Variants in ANO1 observed in about 807,000 individuals in gnomAD.
The protein encoded by ANO1 is anoctamin-1.
ANO1 carries 59 observed loss-of-function variants against 124.0 expected under a neutral mutation model. The observed-to-expected ratio is 0.48, with a 90% CI of 0.39 to 0.59. The LOEUF is 0.59. Ranked by LOEUF, ANO1 falls within the 20% of genes least tolerant of loss-of-function variation. The pLI is 0.00. For synonymous variants in ANO1, 529 were observed against 532.0 expected, an observed-to-expected ratio of 0.99 and a Z score of 0.08; for missense variants, 1,059 against 1,328.0, an observed-to-expected ratio of 0.80 and a Z score of 3.15.
chr11:70,001,959 C>A (rs1451846312), intron 1 of ANO1, among the ~76,000 whole-genome samples: 1 of 151,984 alleles, frequency 6.6e-6, no homozygotes, highest in Non-Finnish European at 1.5e-5. Context: ...ACCACCACAC[C>A]ATTTTGGAAG....
At chr11:70,004,138 G>T (rs1856439143) in intron 1 of ANO1, among the ~76,000 whole-genome samples, 1 of 152,164 alleles carries the variant, frequency 6.6e-6, no homozygotes, top group South Asian at 2.1e-4. Context: ...CTCACACAGT[G>T]GTCTCACCAC....
Position 70,167,257 on chromosome 11 carries a change from C to T in ANO1, c.2067C>T (p.Leu689=). The stretch of plus-strand genomic sequence containing the variant: ...CATCTCTCAGGAAGATGAAGAAGCT[C>T]ATCCGCTACCTGAAGCTGAAGCAGC... ...FEIGIPKMKK[L]IRYLKLKQQS... Residue 689 remains leucine, a synonymous_variant, in exon 21 of 26, where the codon CTC becomes CTT. Coordinates refer to ENST00000355303, the MANE Select transcript of ANO1 (RefSeq NM_018043.7). The T allele has an allele frequency of 6.2e-7, 1 of 1,614,006 alleles. No individual in the cohort carries two copies. The highest frequency in any genetic ancestry group is 2.2e-5 in the East Asian group (1 of 44,888).
upstream of ANO1, among the ~76,000 whole-genome samples, chr11:70,077,314 G>C (rs1319706442): frequency 6.6e-6 from 1 of 152,212 alleles, no homozygotes; most frequent in Non-Finnish European, 1.5e-5. Flanking sequence ...TGGGTGGGAA[G>C]GGGACAGTAG....
rs1320445422 is a variant in ANO1 at position 70,078,449 on chromosome 11, G to A, written c.-158G>A. On this transcript the variant is annotated 5_prime_UTR_variant, in exon 1 of 26. Transcript: ENST00000355303. ...GCCGGGCGGGCCAGGGCGGCGGGCG[G>A]AGCGGGAGGCGGCCACGTCCCCGGC... 5.8e-6 allele frequency: 1 copy of A among 173,014 alleles called. No individual in the cohort carries two copies. The highest frequency in any genetic ancestry group is 1.1e-5 in the Non-Finnish European group (1 of 90,050). 10.7% of individuals were successfully genotyped at this position (173,014 alleles called of 1,614,324 possible). A position where few individuals can be genotyped will look rare whatever the true frequency, so the allele number is the denominator to read the frequency against.
intron 10 of ANO1, among the ~76,000 whole-genome samples, chr11:70,126,422 A>G (rs2046513471): frequency 6.6e-6 from 1 of 152,262 alleles, no homozygotes; most frequent in Non-Finnish European, 1.5e-5. Context: ...TTTATTGTTA[A>G]GAGAAAGGCA....
At chr11:70,148,021 C>T (rs986758644) in intron 11 of ANO1, among the ~76,000 whole-genome samples, 14 of 152,306 alleles carry the variant, frequency 9.2e-5, no homozygotes, top group Non-Finnish European at 1.5e-4. Flanking sequence ...CCTAGACAAA[C>T]CCGTGCATCC....
chr11:70,170,282 G>T (rs1021555160), intron 21 of ANO1: 1 of 383,568 alleles, frequency 2.6e-6, no homozygotes, highest in South Asian at 1.8e-5. Context: ...AGCTCACGAT[G>T]GTCCTTTTCC....
chr11:70,058,066 T>C (rs781992502), intron 1 of ANO1, among the ~76,000 whole-genome samples: 8 of 152,060 alleles, frequency 5.3e-5, no homozygotes, highest in Non-Finnish European at 1.0e-4. Context: ...GGGGTGATAT[T>C]GTGGGGTTGT....
chr11:69,969,676 C>T, the ANO1 span, among the ~76,000 whole-genome samples: 1,006 of 152,266 alleles, frequency 6.6e-3, 10 homozygotes, highest in Non-Finnish European at 9.2e-3. Context: ...CGGCCAGGCA[C>T]GGTGGCTCAC....
chr11:70,145,109 G>T (rs965143352), intron 11 of ANO1, among the ~76,000 whole-genome samples: 1 of 152,210 alleles, frequency 6.6e-6, no homozygotes. Context: ...AGGAGCAGGA[G>T]AATTACTTGA....
At chr11:70,014,541 C>T (rs1355418729) in intron 1 of ANO1, among the ~76,000 whole-genome samples, 1 of 152,098 alleles carries the variant, frequency 6.6e-6, no homozygotes, top group Admixed American at 6.5e-5. Context: ...ACGTGGCCTG[C>T]CCAGGCTGCT....
rs2515290 is a variant in ANO1, at chr11:70,099,952, C to A, written c.442-3114C>A. Among the ~76,000 whole-genome samples the A allele has an allele frequency of 6.6e-3, 1,000 of 152,188 alleles. 4 individuals are homozygous for A. The highest frequency in any genetic ancestry group is 0.023 in the African/African-American group (943 of 41,502). ...ACAGAAGGATCTGGGCTCATCTTGC[C>A]GGAGCCCCTGGCACTGCCTCCTCCA... On this transcript the variant is annotated intron_variant, in intron 2 of 25. Transcript: ENST00000355303.
the ANO1 span, among the ~76,000 whole-genome samples, chr11:69,967,670 C>T: frequency 3.3e-5 from 5 of 152,218 alleles, no homozygotes; most frequent in Non-Finnish European, 5.9e-5. Context: ...TCACGGCCCC[C>T]GTTTACACAA....
rs2047839740 is a variant in ANO1, at chr11:70,156,956, G to A, written c.1513G>A (p.Val505Met). 6.2e-7 allele frequency: 1 copy of A among 1,613,540 alleles called. No individual in the cohort carries two copies. The highest frequency in any genetic ancestry group is 8.5e-7 in the Non-Finnish European group (1 of 1,179,784). ...AMAGVKLTDKVKLTWRDRFPA... is the reference protein window; with the variant it reads ...AMAGVKLTDKMKLTWRDRFPA... Reference sequence around the variant, plus strand: ...TTGTTTTGTGTTGTAGACTGACAAAGTGAAGCTGACATGGAGAGATCGGTT... The same window carrying A: ...TTGTTTTGTGTTGTAGACTGACAAAATGAAGCTGACATGGAGAGATCGGTT... Residue 505 changes from valine to methionine, a missense_variant, in exon 16 of 26, where the codon GTG becomes ATG. By Grantham distance (21) the Val-to-Met change is conservative. Transcript: ENST00000355303.
At chr11:70,066,967 C>G (rs760264230) in intron 1 of ANO1, among the ~76,000 whole-genome samples, 13 of 152,204 alleles carry the variant, frequency 8.5e-5, no homozygotes, top group Admixed American at 8.5e-4. Context: ...AGCCCCCCAG[C>G]GGGGAGGCCA....
chr11:70,107,792 C>CG lies in ANO1; in HGVS notation c.748-554dup, dbSNP rs536967564. On this transcript the variant is annotated intron_variant, in intron 5 of 25. Coordinates refer to ENST00000355303, the MANE Select transcript of ANO1 (RefSeq NM_018043.7). ...CGTCACTAGTCAAGGGGCAGGCAGC[C>CG]GGGGGGGAATCCCTTCAGCAGGGCT... 3.7e-3 allele frequency among the ~76,000 whole-genome samples: 563 copies of CG among 152,074 alleles called. 3 individuals carry two copies. Among genetic ancestry groups the CG allele is most frequent in the Non-Finnish European group, 6.4e-3 (432 of 67,968 alleles).
intron 8 of ANO1, among the ~76,000 whole-genome samples, chr11:70,119,601 T>C (rs976113241): frequency 1.4e-4 from 20 of 141,378 alleles, no homozygotes; most frequent in Non-Finnish European, 4.6e-5. Context: ...GATGGAAAGA[T>C]GAATGATGGA....
intron 1 of ANO1, among the ~76,000 whole-genome samples, chr11:70,068,177 G>A (rs1477662848): frequency 1.3e-5 from 2 of 152,190 alleles, no homozygotes; most frequent in African/African-American, 2.4e-5. Context: ...GCTGGAAAAT[G>A]TTAAGACAAC....
intron 1 of ANO1, among the ~76,000 whole-genome samples, chr11:69,991,826 T>A (rs1856161579): frequency 6.6e-6 from 1 of 152,198 alleles, no homozygotes; most frequent in East Asian, 1.9e-4. Flanking sequence ...TGGAGTGCAG[T>A]CTATGCAGCT....
Sources: allele counts gnomAD v4.1 joint callset (sites outside exome capture counted in the v4.1 genomes callset), GRCh38; gene constraint gnomAD v4.1.1; transcripts MANE v1.5; gene names NCBI Gene and HGNC (gene_info 2026-07-23, HGNC 2026-07-21).